Variants in DLG2 observed in about 807,000 individuals in gnomAD.
DLG2 encodes disks large homolog 2.
In DLG2, 45 loss-of-function variants were observed where a neutral mutation model predicts 132.5. That is an observed-to-expected ratio of 0.34 (90% CI 0.27 to 0.44). The LOEUF (loss-of-function observed/expected upper bound fraction) is 0.44. Ranked by LOEUF, DLG2 falls within the 20% of genes least tolerant of loss-of-function variation. DLG2 has a pLI of 1.00. For missense variants in DLG2, 1,045 were observed against 1,196.9 expected (o/e 0.87, Z 1.87); for synonymous variants, 424 against 419.6 (o/e 1.01, Z -0.13).
chr11:84,703,862 A>ATATGTG (rs2153745611), intron 6 of DLG2, among the ~76,000 whole-genome samples: 2 of 111,978 alleles, frequency 1.8e-5, no homozygotes, highest in African/African-American at 1.1e-4. Context: ...GTGAAGATAT[A>ATATGTG]TATATATATA....
chr11:85,391,368 G>A (rs1207176281), intron 3 of DLG2, among the ~76,000 whole-genome samples: 1 of 152,034 alleles, frequency 6.6e-6, no homozygotes, highest in Non-Finnish European at 1.5e-5. Flanking sequence ...GACATTCAAG[G>A]AATTGGTACC....
chr11:85,306,404 G>C (rs2079944148), intron 3 of DLG2, among the ~76,000 whole-genome samples: 1 of 152,146 alleles, frequency 6.6e-6, no homozygotes, highest in Admixed American at 6.5e-5. Flanking sequence ...TGTTTGAGAT[G>C]GGTATTAAAA....
chr11:85,120,430 C>T (rs762967638), intron 5 of DLG2, among the ~76,000 whole-genome samples: 1 of 151,992 alleles, frequency 6.6e-6, no homozygotes, highest in Admixed American at 6.6e-5. Flanking sequence ...ATCTAGAAAT[C>T]CTAAGAGATT....
In DLG2 at chr11:84,824,759, G is replaced by A. The variant is rs190533712; in HGVS notation, c.357+286902C>T. 2.6e-5 allele frequency among the ~76,000 whole-genome samples: 4 copies of A among 151,988 alleles called. No homozygotes were observed. The East Asian group carries it at 7.8e-4, about 30-fold the overall frequency. ...ACCACATAGGCTGTGTATGGTCATA[G>A]GCAAAATGTGTGGCTCAGGCTTAAG... On this transcript the variant is annotated intron_variant, in intron 6 of 27. Coordinates refer to ENST00000376104, the MANE Select transcript of DLG2 (RefSeq NM_001142699.3).
intron 8 of DLG2, among the ~76,000 whole-genome samples, chr11:84,220,410 A>G (rs1465631924): frequency 2.3e-4 from 35 of 152,176 alleles, no homozygotes; most frequent in Admixed American, 2.3e-3. Context: ...TAATTACCTT[A>G]ATGACTCTAA....
At chr11:83,581,431 T>C (rs865857182) in intron 19 of DLG2, among the ~76,000 whole-genome samples, 4 of 152,140 alleles carry the variant, frequency 2.6e-5, no homozygotes, top group Non-Finnish European at 4.4e-5. Context: ...AGATGCTCTG[T>C]TTTATGTTAA....
At chr11:84,502,309 T>TCTTTCTTTCTTTC in intron 7 of DLG2, among the ~76,000 whole-genome samples, 1 of 3,320 alleles carries the variant, frequency 3.0e-4, no homozygotes, top group Non-Finnish European at 5.5e-4. Context: ...TTTCTTTCTT[T>TCTTTCTTTCTTTC]CTTTCTTTCT....
intron 12 of DLG2, among the ~76,000 whole-genome samples, chr11:83,972,503 A>G (rs927630243): frequency 2.0e-5 from 3 of 152,134 alleles, no homozygotes; most frequent in Non-Finnish European, 4.4e-5. Context: ...ATTGTGAAAC[A>G]CTTATTCCTA....
At chr11:83,987,247 A>G (rs1189324432) in intron 11 of DLG2, among the ~76,000 whole-genome samples, 3 of 152,100 alleles carry the variant, frequency 2.0e-5, no homozygotes, top group Non-Finnish European at 4.4e-5. Context: ...GGAAGAATCA[A>G]TATTGTGAAA....
chr11:84,152,330 C>CTATT (rs2154251938), intron 9 of DLG2, among the ~76,000 whole-genome samples: 1 of 149,130 alleles, frequency 6.7e-6, no homozygotes, highest in Non-Finnish European at 1.5e-5. Context: ...ATTTTAAAAT[C>CTATT]TGTTTGTTTG....
At chr11:84,902,656 C>A (rs1287062425) in intron 6 of DLG2, among the ~76,000 whole-genome samples, 1 of 152,110 alleles carries the variant, frequency 6.6e-6, no homozygotes, top group Non-Finnish European at 1.5e-5. Context: ...TGATGATGGC[C>A]AGATGTCTAT....
At chr11:84,087,734 T>A (rs1377659324) in intron 10 of DLG2, among the ~76,000 whole-genome samples, 1 of 152,174 alleles carries the variant, frequency 6.6e-6, no homozygotes, top group Admixed American at 6.5e-5. Context: ...AAAAGGGTTA[T>A]GAGCCAAGTG....
intron 11 of DLG2, among the ~76,000 whole-genome samples, chr11:83,987,734 C>T (rs1234672850): frequency 6.6e-6 from 1 of 151,994 alleles, no homozygotes; most frequent in Non-Finnish European, 1.5e-5. Context: ...GACCTAAAAC[C>T]ATAAAAACCC....
chr11:84,493,526 T>G (rs1203429858), intron 7 of DLG2, among the ~76,000 whole-genome samples: 2 of 152,074 alleles, frequency 1.3e-5, no homozygotes, highest in Admixed American at 1.3e-4. Context: ...CATCACACAT[T>G]GCTCAGGTCC....
chr11:84,302,795 A>G (rs2098170712), intron 7 of DLG2, among the ~76,000 whole-genome samples: 1 of 152,198 alleles, frequency 6.6e-6, no homozygotes, highest in African/African-American at 2.4e-5. Flanking sequence ...TTATTAAAAA[A>G]TAAAACGTGG....
chr11:85,310,109 A>G (rs887132415), intron 3 of DLG2, among the ~76,000 whole-genome samples: 1 of 152,208 alleles, frequency 6.6e-6, no homozygotes, highest in African/African-American at 2.4e-5. Flanking sequence ...TTAATTCAGC[A>G]CTATCTAAAA....
chr11:85,025,426 A>C (rs765529691), intron 6 of DLG2, among the ~76,000 whole-genome samples: 15 of 152,220 alleles, frequency 9.9e-5, no homozygotes, highest in Non-Finnish European at 2.1e-4. Flanking sequence ...TCATATATTA[A>C]TAGATGCTAA....
intron 8 of DLG2, among the ~76,000 whole-genome samples, chr11:84,201,153 G>A (rs900542270): frequency 6.6e-6 from 1 of 152,170 alleles, no homozygotes; most frequent in African/African-American, 2.4e-5. Context: ...TTTTTAACAT[G>A]TAGGGATGTT....
chr11:84,558,657 C>T (rs1055703341), intron 6 of DLG2, among the ~76,000 whole-genome samples: 3 of 152,052 alleles, frequency 2.0e-5, no homozygotes, highest in South Asian at 2.1e-4. Flanking sequence ...AAATACCTAC[C>T]GCTCCCCAGC....
Sources: gnomAD v4.1 joint callset for allele counts (sites outside exome capture counted in the v4.1 genomes callset) on GRCh38, gnomAD v4.1.1 for gene constraint, MANE v1.5 for transcripts, NCBI Gene and HGNC (gene_info 2026-07-23, HGNC 2026-07-21) for gene names.